The following SGCZ variants were observed in gnomAD, a reference collection of about 807,000 sequenced individuals.
The protein encoded by SGCZ is zeta-sarcoglycan.
Under a neutral mutation model 41.3 loss-of-function variants are expected in SGCZ, and 40 were observed. The observed-to-expected ratio is 0.97, with a 90% CI of 0.75 to 1.26. The LOEUF (loss-of-function observed/expected upper bound fraction) is 1.26, where lower values mean the gene tolerates loss of function less well. Among genes scored for constraint, SGCZ ranks in the 50% most tolerant of loss-of-function variants. The pLI is 0.00. For missense variants in SGCZ, 552 were observed against 369.8 expected (o/e 1.49, Z -4.04); for synonymous variants, 206 against 137.5 (o/e 1.50, Z -3.49).
At chr8:14,207,776 C>G (rs575970505) in intron 4 of SGCZ, among the ~76,000 whole-genome samples, 1 of 152,130 alleles carries the variant, frequency 6.6e-6, no homozygotes, top group Non-Finnish European at 1.5e-5. Context: ...CAACTACCTA[C>G]TTTAGATTAT....
At chr8:15,215,478 T>C (rs1801369720) in intron 1 of SGCZ, among the ~76,000 whole-genome samples, 2 of 152,182 alleles carry the variant, frequency 1.3e-5, no homozygotes, top group South Asian at 4.1e-4. Flanking sequence ...GTCTGGAACA[T>C]ACACACACCT....
At chr8:14,420,496 A>G (rs545207657) in intron 2 of SGCZ, among the ~76,000 whole-genome samples, 6 of 152,096 alleles carry the variant, frequency 3.9e-5, no homozygotes, top group African/African-American at 1.2e-4. Context: ...TTTGCTGTCT[A>G]TTGCTCAGGT....
At chr8:15,006,489 T>C (rs754390968) in intron 1 of SGCZ, among the ~76,000 whole-genome samples, 7 of 152,196 alleles carry the variant, frequency 4.6e-5, no homozygotes, top group Non-Finnish European at 8.8e-5. Context: ...GTTTAGACAA[T>C]TTTGAATTTA....
intron 1 of SGCZ, among the ~76,000 whole-genome samples, chr8:14,597,058 G>A (rs1197152182): frequency 6.6e-6 from 1 of 152,118 alleles, no homozygotes; most frequent in African/African-American, 2.4e-5. Flanking sequence ...TTAGTAGGCA[G>A]CATTTTCAAA....
intron 1 of SGCZ, among the ~76,000 whole-genome samples, chr8:14,706,128 G>T (rs1260674233): frequency 6.6e-6 from 1 of 151,720 alleles, no homozygotes; most frequent in Admixed American, 6.6e-5. Context: ...TGGTCTAATA[G>T]CTTTTAGTCT....
intron 1 of SGCZ, among the ~76,000 whole-genome samples, chr8:14,669,728 AC>A (rs1234549366): frequency 6.4e-5 from 9 of 140,958 alleles, no homozygotes; most frequent in Non-Finnish European, 1.2e-4. Context: ...ACACACACAC[AC>A]ACAATATTTT....
chr8:14,255,495 C>T (rs1799430020), intron 3 of SGCZ, among the ~76,000 whole-genome samples: 1 of 151,902 alleles, frequency 6.6e-6, no homozygotes, highest in African/African-American at 2.4e-5. Context: ...GGTAAAAGTA[C>T]AATTAAAATT....
chr8:14,191,454 G>T (rs1381579877), intron 4 of SGCZ, among the ~76,000 whole-genome samples: 4 of 152,134 alleles, frequency 2.6e-5, no homozygotes, highest in African/African-American at 4.8e-5. Context: ...TCTAGGAATT[G>T]CATGATTTGG....
intron 1 of SGCZ, among the ~76,000 whole-genome samples, chr8:15,174,437 A>G (rs901239021): frequency 6.6e-6 from 1 of 152,210 alleles, no homozygotes; most frequent in African/African-American, 2.4e-5. Flanking sequence ...AACTTGCTTC[A>G]TTATTGATCT....
At chr8:14,441,565 C>T (rs545873083) in intron 2 of SGCZ, among the ~76,000 whole-genome samples, 2 of 152,102 alleles carry the variant, frequency 1.3e-5, no homozygotes, top group African/African-American at 2.4e-5. Flanking sequence ...TAGAGCAAGA[C>T]CCCATCTCAA....
Position 14,479,731 on chromosome 8 carries a change from C to CTTTTTTTTTTTTTTTTTTTTTTTTT in SGCZ, c.234+74976_234+75000dup, listed in dbSNP as rs529812029. Among the ~76,000 whole-genome samples, 7 of 52,970 alleles carry CTTTTTTTTTTTTTTTTTTTTTTTTT rather than the reference C, an allele frequency of 1.3e-4. 1 individual carries two copies. The highest frequency in any genetic ancestry group is 2.5e-4 in the African/African-American group (5 of 19,782). 34.8% of individuals were successfully genotyped at this position (52,970 alleles called of 152,430 possible). ...GTCGCATACCTCCAGAATTCTACTT[C>CTTTTTTTTTTTTTTTTTTTTTTTTT]TTTTTTTTTTTTTTTTTTTTTTTTT... On this transcript the variant is annotated intron_variant, in intron 2 of 7. Coordinates refer to ENST00000382080, the MANE Select transcript of SGCZ (RefSeq NM_139167.4).
chr8:14,354,021 TATTA>T (rs1389772323), intron 2 of SGCZ, among the ~76,000 whole-genome samples: 1 of 152,114 alleles, frequency 6.6e-6, no homozygotes, highest in Non-Finnish European at 1.5e-5. Context: ...TCAACAATTG[TATTA>T]ATTGTCTCCT....
intron 3 of SGCZ, among the ~76,000 whole-genome samples, chr8:14,267,876 A>C (rs1268800241): frequency 6.6e-6 from 1 of 151,966 alleles, no homozygotes; most frequent in Non-Finnish European, 1.5e-5. Flanking sequence ...TTAAGATGTA[A>C]AAAAGTCATT....
At chr8:14,208,385 T>C (rs1209138832) in intron 4 of SGCZ, among the ~76,000 whole-genome samples, 1 of 152,228 alleles carries the variant, frequency 6.6e-6, no homozygotes, top group Non-Finnish European at 1.5e-5. Flanking sequence ...GGATTCTGTG[T>C]CAAGGTAATA....
intron 2 of SGCZ, among the ~76,000 whole-genome samples, chr8:14,418,145 A>T (rs2117297282): frequency 6.6e-6 from 1 of 152,048 alleles, no homozygotes; most frequent in Non-Finnish European, 1.5e-5. Flanking sequence ...TAGGATGGAA[A>T]GTTCTGGGAG....
intron 1 of SGCZ, among the ~76,000 whole-genome samples, chr8:15,059,070 G>C (rs991100368): frequency 3.3e-5 from 5 of 152,042 alleles, no homozygotes; most frequent in African/African-American, 9.7e-5. Flanking sequence ...TATGCTGGAA[G>C]TATTATCAGC....
intron 4 of SGCZ, among the ~76,000 whole-genome samples, chr8:14,231,803 G>GT (rs1806581165): frequency 6.6e-6 from 1 of 151,996 alleles, no homozygotes; most frequent in African/African-American, 2.4e-5. Flanking sequence ...AAACGTGTTT[G>GT]TTTCTCATAA....
intron 5 of SGCZ, 45 bp downstream of exon 5, chr8:14,164,535 T>C (rs1804147287): frequency 6.2e-7 from 1 of 1,609,956 alleles, no homozygotes; most frequent in Non-Finnish European, 8.5e-7. Flanking sequence ...AGTTGTATAT[T>C]CTTTAAAGAA....
intron 3 of SGCZ, among the ~76,000 whole-genome samples, chr8:14,320,960 G>A (rs894942956): frequency 3.9e-5 from 6 of 152,058 alleles, no homozygotes; most frequent in Non-Finnish European, 7.4e-5. Flanking sequence ...CCTTGGACTC[G>A]TGTAACCTTG....
Sources: allele counts gnomAD v4.1 joint callset (sites outside exome capture counted in the v4.1 genomes callset), GRCh38; gene constraint gnomAD v4.1.1; transcripts MANE v1.5; gene names NCBI Gene and HGNC (gene_info 2026-07-23, HGNC 2026-07-21).